FRMD1: variants seen among roughly 807,000 people sequenced by gnomAD.
FRMD1 encodes FERM domain containing 1.
FRMD1 carries 51 observed loss-of-function variants against 54.9 expected under a neutral mutation model. The observed-to-expected ratio is 0.93, with a 90% CI of 0.74 to 1.17. FRMD1 has a LOEUF of 1.17. FRMD1 is among the 50% of genes most tolerant of loss of function. The pLI, the probability that FRMD1 is intolerant of heterozygous loss-of-function variation, is 0.00. For synonymous variants in FRMD1, 324 were observed against 306.4 expected, an observed-to-expected ratio of 1.06 and a Z score of -0.60; for missense variants, 729 against 743.0, an observed-to-expected ratio of 0.98 and a Z score of 0.22.
chr6:168,069,819 C>T, intron 2 of FRMD1, among the ~76,000 whole-genome samples: 1 of 152,210 alleles, frequency 6.6e-6, no homozygotes, highest in South Asian at 2.1e-4. Flanking sequence ...AGCAGTGGGA[C>T]AGCAGACATC....
Position 168,065,011 on chromosome 6 carries a change from C to G in FRMD1, c.508G>C (p.Val170Leu), listed in dbSNP as rs199740559. The change falls in exon 5 of 11, where the codon GTG becomes CTG. Residue 170 changes from valine to leucine, a missense_variant. By Grantham distance (32) the Val-to-Leu change is conservative. Transcript: ENST00000283309. ...CGGTGAGCGCACTGTGACCTCAGCA[C>G]GCGCTCCTTCAAGTGGCAGTAGTAC... ...HLYYCHLKER[V>L]LRSQCAHREE... The G allele has an allele frequency of 1.2e-6, 2 of 1,611,262 alleles. No individual in the cohort carries two copies. The highest frequency in any genetic ancestry group is 1.7e-6 in the Non-Finnish European group (2 of 1,179,500).
At chr6:168,086,417 C>T (rs1003011087), upstream of FRMD1, among the ~76,000 whole-genome samples, 4 of 151,064 alleles carry the variant, frequency 2.6e-5, no homozygotes, top group African/African-American at 9.8e-5. Flanking sequence ...ACACCTACAC[C>T]CCTAGCATGG....
upstream of FRMD1, among the ~76,000 whole-genome samples, chr6:168,084,341 T>A (rs987326265): frequency 3.9e-5 from 6 of 152,224 alleles, no homozygotes; most frequent in Admixed American, 1.3e-4. Flanking sequence ...GCGTGTCGGA[T>A]TATGATGGAC....
At chr6:168,082,323 C>T (rs981930468), upstream of FRMD1, among the ~76,000 whole-genome samples, 6 of 152,276 alleles carry the variant, frequency 3.9e-5, no homozygotes, top group East Asian at 7.7e-4. Context: ...AGTGGCCAGC[C>T]GGGGTCTTGC....
Position 168,057,071 on chromosome 6 carries a change from G to T in FRMD1, c.*26C>A, listed in dbSNP as rs373423599. 3 of 1,451,226 alleles carry T rather than the reference G, an allele frequency of 2.1e-6. No individual in the cohort carries two copies. The Admixed American group carries it at 8.2e-5, about 40-fold the overall frequency. The allele number at this position is 1,451,226 out of a possible 1,614,324, so 89.9% of individuals were successfully genotyped here. ...GGGCAGGGGCTGAGCCTGGCGGTGC[G>T]GACGGTACTGCTGGGTGGGTGGTGC... On this transcript the variant is annotated 3_prime_UTR_variant, in exon 11 of 11. Transcript: ENST00000283309.
chr6:168,066,950 G>C, intron 3 of FRMD1, 119 bp from the exon 4 acceptor site: 5 of 1,267,512 alleles, frequency 3.9e-6, no homozygotes, highest in Non-Finnish European at 5.5e-6. Context: ...CGAAGCTCAG[G>C]TGTCTGCAGC....
intron 2 of FRMD1, among the ~76,000 whole-genome samples, chr6:168,069,575 G>C (rs563505280): frequency 2.6e-5 from 4 of 152,274 alleles, no homozygotes; most frequent in Non-Finnish European, 4.4e-5. Flanking sequence ...CCTCGGTAAG[G>C]TCAGCAAAAG....
Position 168,057,171 on chromosome 6 carries a change from G to C in FRMD1, c.1576C>G (p.Pro526Ala). 6.3e-7 allele frequency: 1 copy of C among 1,586,220 alleles called. No homozygotes were observed. Among genetic ancestry groups the C allele is most frequent in the Non-Finnish European group, 8.6e-7 (1 of 1,165,700 alleles). The stretch of plus-strand genomic sequence containing the variant: ...AGACAGTTGCTGGACCTCTTGCTGG[G>C]GAGAGTGGCCCTGGTCTCGCAGGGG... Reference protein sequence around the residue: ...AGPCETRATLPSKRSSNCLAL... With the variant: ...AGPCETRATLASKRSSNCLAL... The change falls in exon 11 of 11, where the codon CCC (proline) becomes GCC (alanine). Residue 526 changes from proline (P) to alanine (A), a missense_variant. Physicochemically the swap from Pro to Ala is conservative, Grantham distance 27. Transcript: ENST00000283309.
At chr6:168,081,092 G>C (rs1800816722), upstream of FRMD1, among the ~76,000 whole-genome samples, 1 of 152,210 alleles carries the variant, frequency 6.6e-6, no homozygotes, top group South Asian at 2.1e-4. Flanking sequence ...TTGAGGTTCA[G>C]ACCTCCAGTG....
chr6:168,089,764 C>T (rs1800983707), intron 1 of FRMD1, among the ~76,000 whole-genome samples: 1 of 152,208 alleles, frequency 6.6e-6, no homozygotes, highest in African/African-American at 2.4e-5. Context: ...CACAGAGACA[C>T]TGCTCAGGTT....
intron 1 of FRMD1, chr6:168,092,913 C>G (rs1801037564): frequency 6.6e-6 from 1 of 152,230 alleles, no homozygotes; most frequent in South Asian, 2.1e-4. Flanking sequence ...TCACACTGCT[C>G]ATAAAGACAT....
At chr6:168,088,542 C>A (rs1244185945) in intron 1 of FRMD1, among the ~76,000 whole-genome samples, 1 of 152,204 alleles carries the variant, frequency 6.6e-6, no homozygotes, top group Non-Finnish European at 1.5e-5. Flanking sequence ...GCTGCTGCCG[C>A]TGTTAACTCA....
chr6:168,063,179 C>T (rs569394824), intron 6 of FRMD1, among the ~76,000 whole-genome samples: 4 of 152,336 alleles, frequency 2.6e-5, no homozygotes, highest in Non-Finnish European at 5.9e-5. Context: ...ACACCAGCCA[C>T]GACCTAAGAG....
chr6:168,062,610 C>T, intron 7 of FRMD1: 1 of 1,483,246 alleles, frequency 6.7e-7, no homozygotes, highest in Non-Finnish European at 9.2e-7. Context: ...AGAAAATGCC[C>T]CGAGGATGAA....
chr6:168,074,764 GCA>G (rs1800494199), intron 2 of FRMD1, among the ~76,000 whole-genome samples: 1 of 149,230 alleles, frequency 6.7e-6, no homozygotes, highest in Non-Finnish European at 1.5e-5. Flanking sequence ...TGTGGTGCAT[GCA>G]TGTGTACATG....
rs894535090 is a variant in FRMD1, at chr6:168,053,282, C to T, written c.*3815G>A. The T allele has an allele frequency of 3.3e-5, 5 of 152,362 alleles. No homozygotes were observed. Among genetic ancestry groups the T allele is most frequent in the Admixed American group, 2.6e-4 (4 of 15,308 alleles). 9.4% of individuals were successfully genotyped at this position (152,362 alleles called of 1,614,324 possible). A position where few individuals can be genotyped will look rare whatever the true frequency, so the allele number is the denominator to read the frequency against. ...CAGCCTCCCCATCACAGCTCGCCGC[C>T]GTGAGAACGGTCATGGGCCCGGCTG... On this transcript the variant is annotated 3_prime_UTR_variant, in exon 11 of 11. Coordinates refer to ENST00000283309, the MANE Select transcript of FRMD1 (RefSeq NM_024919.6).
intron 3 of FRMD1, 149 bp downstream of exon 3, chr6:168,067,218 C>T (rs1800083089): frequency 4.5e-6 from 3 of 659,896 alleles, no homozygotes; most frequent in South Asian, 3.3e-5. Context: ...CACTGTCCAC[C>T]GTGGTGCCCT....
In FRMD1 at chr6:168,060,940, T is replaced by C; in HGVS notation, c.1163A>G (p.His388Arg). ...GGAACTGCCGTGGCTGTCGGCGGAGTGGCGTGAGAGGCAGTGGGGGCAGTG... is the reference window on the plus strand; with the variant it reads ...GGAACTGCCGTGGCTGTCGGCGGAGCGGCGTGAGAGGCAGTGGGGGCAGTG... Reference protein sequence around the residue: ...SQHCPHCLSRHSADSHGSSYT... With the variant: ...SQHCPHCLSRRSADSHGSSYT... The change falls in exon 9 of 11, where the codon CAC (histidine) becomes CGC (arginine). Residue 388 changes from histidine to arginine, a missense_variant. Coordinates refer to ENST00000283309, the MANE Select transcript of FRMD1 (RefSeq NM_024919.6). 6.2e-7 allele frequency: 1 copy of C among 1,613,358 alleles called. No homozygotes were observed. Among genetic ancestry groups the C allele is most frequent in the Non-Finnish European group, 8.5e-7 (1 of 1,180,004 alleles).
chr6:168,078,616 CTGCTCACCCCCACAGCCT>C (rs1454586058), intron 1 of FRMD1, among the ~76,000 whole-genome samples: 10 of 130,362 alleles, frequency 7.7e-5, no homozygotes, highest in Admixed American at 2.3e-4. Context: ...CCTCACGGCC[CTGCTCACCCCCACAGCCT>C]TGCTCACCCC....
Sources: gnomAD v4.1 joint callset for allele counts (sites outside exome capture counted in the v4.1 genomes callset) on GRCh38, gnomAD v4.1.1 for gene constraint, MANE v1.5 for transcripts, NCBI Gene and HGNC (gene_info 2026-07-23, HGNC 2026-07-21) for gene names.